The following CYB5R4 variants were observed in gnomAD, a reference collection of about 807,000 sequenced individuals.
The protein encoded by CYB5R4 is cytochrome b5 reductase 4.
A neutral mutation model predicts 70.2 loss-of-function variants in CYB5R4; 55 were observed. The ratio of observed to expected loss-of-function variants is 0.78; its 90% confidence interval spans 0.63 to 0.98. CYB5R4 has a LOEUF of 0.98. Ranked by LOEUF, CYB5R4 falls within the 50% of genes least tolerant of loss-of-function variation. The pLI is 0.00. For synonymous variants in CYB5R4, 197 were observed against 199.5 expected (o/e 0.99, Z 0.11); for missense variants, 562 against 612.6 (o/e 0.92, Z 0.87).
At position 83,882,354 on chromosome 6, in the gene CYB5R4, G is replaced by A. The variant is rs117740954; in HGVS notation, c.230-11168G>A. On this transcript the variant is annotated intron_variant, in intron 2 of 15. Transcript: ENST00000369681. Reference sequence around the variant, plus strand: ...AAAGATTCAGAGAAGGGTATAAACTGTCTAAATCTTGTATACGGGACAGAC... The same window carrying A: ...AAAGATTCAGAGAAGGGTATAAACTATCTAAATCTTGTATACGGGACAGAC... Among the ~76,000 whole-genome samples, 685 of 152,264 alleles carry A rather than the reference G, an allele frequency of 4.5e-3. 1 individual carries two copies. The highest frequency in any genetic ancestry group is 6.7e-3 in the Non-Finnish European group (455 of 68,018).
At chr6:83,874,787 C>G (rs1367184356) in intron 2 of CYB5R4, among the ~76,000 whole-genome samples, 2 of 151,048 alleles carry the variant, frequency 1.3e-5, no homozygotes, top group Non-Finnish European at 3.0e-5. Flanking sequence ...GTTTTCTTGG[C>G]CACTTTTTAT....
Position 83,961,408 on chromosome 6 carries a change from G to A in CYB5R4, c.*1530G>A, listed in dbSNP as rs919974957. 6.6e-6 allele frequency: 1 copy of A among 151,918 alleles called. No homozygotes were observed. The highest frequency in any genetic ancestry group is 2.4e-5 in the African/African-American group (1 of 41,328). The allele number at this position is 151,918 out of a possible 1,614,324, so 9.4% of individuals were successfully genotyped here. The stretch of plus-strand genomic sequence containing the variant: ...TTGTAATTCCCACATGTCGAGGGAG[G>A]GTCTTGGTGGGAGGTGATTGGATCA... On this transcript the variant is annotated 3_prime_UTR_variant, in exon 16 of 16. Transcript: ENST00000369681.
At chr6:83,935,172 A>T (rs987217771) in intron 11 of CYB5R4, among the ~76,000 whole-genome samples, 2 of 152,214 alleles carry the variant, frequency 1.3e-5, no homozygotes, top group African/African-American at 4.8e-5. Context: ...TATATGTGCT[A>T]CCAGTATAAG....
At position 83,909,101 on chromosome 6, in the gene CYB5R4, C is replaced by G; in HGVS notation, c.412+11C>G. On this transcript the variant is annotated intron_variant, in intron 4 of 15. Transcript: ENST00000369681. ...CTGCTGTTCTGAAAGGTAAGTGGTGCTGGTGCTAAACCAGCATGGATGTGT... is the reference window on the plus strand; with the variant it reads ...CTGCTGTTCTGAAAGGTAAGTGGTGGTGGTGCTAAACCAGCATGGATGTGT... 1.9e-6 allele frequency: 3 copies of G among 1,611,728 alleles called. No individual in the cohort carries two copies. The highest frequency in any genetic ancestry group is 2.5e-6 in the Non-Finnish European group (3 of 1,177,974).
intron 2 of CYB5R4, among the ~76,000 whole-genome samples, chr6:83,879,420 G>A (rs779541780): frequency 1.3e-5 from 2 of 152,034 alleles, no homozygotes; most frequent in Admixed American, 6.6e-5. Flanking sequence ...ATAAGGGAGC[G>A]TGTGTGTTTT....
chr6:83,869,383 A>C (rs916056741), intron 2 of CYB5R4, among the ~76,000 whole-genome samples: 1 of 152,210 alleles, frequency 6.6e-6, no homozygotes, highest in Non-Finnish European at 1.5e-5. Flanking sequence ...CTGCGTTCAT[A>C]ACCTCAAACT....
intron 9 of CYB5R4, among the ~76,000 whole-genome samples, chr6:83,923,183 A>T (rs535938640): frequency 1.1e-3 from 166 of 152,206 alleles, no homozygotes; most frequent in African/African-American, 3.7e-3. Flanking sequence ...ATGTTGAGAG[A>T]GCATACTAAA....
chr6:83,901,336 G>C (rs183834120), intron 3 of CYB5R4, among the ~76,000 whole-genome samples: 1 of 152,164 alleles, frequency 6.6e-6, no homozygotes, highest in Non-Finnish European at 1.5e-5. Context: ...GAGATCAGCT[G>C]TCTGATGGGC....
chr6:83,898,594 G>A (rs1178173727), intron 3 of CYB5R4, among the ~76,000 whole-genome samples: 6 of 152,202 alleles, frequency 3.9e-5, no homozygotes, highest in Non-Finnish European at 7.3e-5. Flanking sequence ...TCCTACCCAC[G>A]AGCATGGAAT....
intron 14 of CYB5R4, among the ~76,000 whole-genome samples, chr6:83,954,442 G>T (rs929982430): frequency 6.6e-6 from 1 of 152,072 alleles, no homozygotes; most frequent in Non-Finnish European, 1.5e-5. Context: ...TGCTTGAAGG[G>T]TATATTGCGT....
At chr6:83,895,380 G>T (rs536016581) in intron 3 of CYB5R4, among the ~76,000 whole-genome samples, 2 of 152,176 alleles carry the variant, frequency 1.3e-5, no homozygotes, top group Non-Finnish European at 2.9e-5. Flanking sequence ...TGACCAGGCT[G>T]GTCTTGAACT....
chr6:83,900,612 C>G (rs1379434310), intron 3 of CYB5R4, among the ~76,000 whole-genome samples: 1 of 152,030 alleles, frequency 6.6e-6, no homozygotes, highest in East Asian at 1.9e-4. Context: ...AAGTCTCTTT[C>G]TAGGTCTCTA....
chr6:83,916,525 T>C (rs926856825), intron 5 of CYB5R4, among the ~76,000 whole-genome samples: 1 of 152,202 alleles, frequency 6.6e-6, no homozygotes, highest in Non-Finnish European at 1.5e-5. Flanking sequence ...TAGTCCTCTC[T>C]TGTTTTACGT....
At chr6:83,900,398 A>G (rs947400238) in intron 3 of CYB5R4, among the ~76,000 whole-genome samples, 4 of 152,094 alleles carry the variant, frequency 2.6e-5, no homozygotes, top group African/African-American at 9.7e-5. Context: ...TAAGTGGTAA[A>G]TTTTGGAATA....
chr6:83,940,747 T>A (rs1272058146), intron 14 of CYB5R4, 146 bp downstream of exon 14: 2 of 1,024,924 alleles, frequency 2.0e-6, no homozygotes, highest in African/African-American at 3.4e-5. Flanking sequence ...CTAGAAATCA[T>A]GTTAAATGTT....
intron 2 of CYB5R4, among the ~76,000 whole-genome samples, chr6:83,868,180 T>C (rs556830379): frequency 8.1e-4 from 124 of 152,168 alleles, no homozygotes; most frequent in Non-Finnish European, 1.2e-3. Flanking sequence ...CTTTTTTTTT[T>C]CCCTTTTTTA....
chr6:83,963,571 A>G lies in CYB5R4; in HGVS notation c.*3693A>G, dbSNP rs1020971937. 1 of 152,240 alleles carries G rather than the reference A, an allele frequency of 6.6e-6. No homozygotes were observed. Among genetic ancestry groups the G allele is most frequent in the African/African-American group, 2.4e-5 (1 of 41,456 alleles). 9.4% of individuals were successfully genotyped at this position (152,240 alleles called of 1,614,324 possible). ...TCTTTCAACATTGGTTTTATTTTGA[A>G]GTCATTTTCACCCAGCATTGCAAGT... is the stretch of plus-strand genomic sequence containing the variant. On this transcript the variant is annotated 3_prime_UTR_variant, in exon 16 of 16. Coordinates refer to ENST00000369681, the MANE Select transcript of CYB5R4 (RefSeq NM_016230.4).
At chr6:83,937,422 CTTTGAG>C (rs1407220666) in intron 12 of CYB5R4, among the ~76,000 whole-genome samples, 1 of 152,150 alleles carries the variant, frequency 6.6e-6, no homozygotes, top group African/African-American at 2.4e-5. Context: ...CATTACAAGA[CTTTGAG>C]TTTAAGAGCA....
intron 3 of CYB5R4, among the ~76,000 whole-genome samples, chr6:83,894,106 A>G (rs956674621): frequency 2.0e-5 from 3 of 152,236 alleles, no homozygotes; most frequent in Non-Finnish European, 4.4e-5. Flanking sequence ...TGATTAATGA[A>G]TAGAAACTTA....
Sources: allele counts gnomAD v4.1 joint callset (sites outside exome capture counted in the v4.1 genomes callset), GRCh38; gene constraint gnomAD v4.1.1; transcripts MANE v1.5; gene names NCBI Gene and HGNC (gene_info 2026-07-23, HGNC 2026-07-21).